CARD19: variants seen among roughly 807,000 people sequenced by gnomAD.
CARD19 encodes caspase recruitment domain family member 19.
CARD19 carries 25 observed loss-of-function variants against 24.1 expected under a neutral mutation model. The observed-to-expected ratio is 1.04, with a 90% CI of 0.76 to 1.45. CARD19 has a LOEUF of 1.45. Ranked by LOEUF, CARD19 falls within the 40% of genes most tolerant of loss-of-function variation. CARD19 has a pLI of 0.00. For missense variants in CARD19, 241 were observed against 247.4 expected, an observed-to-expected ratio of 0.97 and a Z score of 0.17; for synonymous variants, 103 against 104.9, an observed-to-expected ratio of 0.98 and a Z score of 0.11.
At position 93,110,645 on chromosome 9, in the gene CARD19, C is replaced by T; in HGVS notation, c.228C>T (p.Asp76=). 6.2e-7 allele frequency: 1 copy of T among 1,613,832 alleles called. No individual in the cohort carries two copies. The highest frequency in any genetic ancestry group is 8.5e-7 in the Non-Finnish European group (1 of 1,180,022). ...ACCTGCAGCGGAGCGGTGAGCGGGA[C>T]TGCCAGGAGTTCTACCGAGCCCTGT... ...LSHLQRSGER[D]CQEFYRALYI... The change falls in exon 3 of 6, where the codon GAC becomes GAT. Residue 76 remains aspartate (D), a synonymous_variant. Transcript: ENST00000375464.
In CARD19 at chr9:93,096,488, C is replaced by A; in HGVS notation, c.7+136C>A. The A allele has an allele frequency of 1.2e-6, 1 of 846,158 alleles. No individual in the cohort carries two copies. Among genetic ancestry groups the A allele is most frequent in the Non-Finnish European group, 1.6e-6 (1 of 640,666 alleles). 52.4% of individuals were successfully genotyped at this position (846,158 alleles called of 1,614,324 possible). On this transcript the variant is annotated intron_variant, in intron 1 of 5. Coordinates refer to ENST00000375464, the MANE Select transcript of CARD19 (RefSeq NM_032310.5). This position sits in a 1 kb window ranked among gnomAD's most constrained non-coding sequence, Gnocchi z 5.4. ...GGGCCGAGTGACCTTGGCCCGTCAG[C>A]TGTCGGTGGTGCGCGAGTGCACCCC...
intron 2 of CARD19, among the ~76,000 whole-genome samples, 194 bp downstream of exon 2, chr9:93,108,010 C>A (rs12235852): frequency 1.3e-5 from 2 of 152,342 alleles, no homozygotes; most frequent in South Asian, 2.1e-4. Context: ...TTGGGGTGAG[C>A]CCAACCAGGC....
chr9:93,099,228 G>A (rs1047784154), intron 1 of CARD19, among the ~76,000 whole-genome samples: 31 of 152,176 alleles, frequency 2.0e-4, no homozygotes, highest in Non-Finnish European at 2.9e-5. Context: ...CCGGCCTGCA[G>A]AACTCTTTAG....
intron 3 of CARD19, 153 bp downstream of exon 3, chr9:93,110,874 C>T (rs1243667595): frequency 6.5e-7 from 1 of 1,533,196 alleles, no homozygotes; most frequent in Middle Eastern, 1.7e-4. Context: ...TCCCCAGAGG[C>T]CACCCTCTGG....
chr9:93,099,636 C>T (rs879549480), intron 1 of CARD19, among the ~76,000 whole-genome samples: 2 of 152,216 alleles, frequency 1.3e-5, no homozygotes, highest in African/African-American at 2.4e-5. Context: ...AGTTCTTTAA[C>T]GAGAGGGCTG....
In CARD19 at chr9:93,111,939, G is replaced by GT; in HGVS notation, c.364+2dup. The GT allele has an allele frequency of 6.2e-7, 1 of 1,610,744 alleles. No individual in the cohort carries two copies. Among genetic ancestry groups the GT allele is most frequent in the South Asian group, 1.1e-5 (1 of 90,804 alleles). ...CAGAGCGGCGAGCTGAGTAACAGGGGTAACACCTCCCTGCTGCCCCTCCCT... is the reference window on the plus strand; with the variant it reads ...CAGAGCGGCGAGCTGAGTAACAGGGGTTAACACCTCCCTGCTGCCCCTCCCT... On this transcript the variant is annotated splice_donor_variant, in intron 4 of 5. Coordinates refer to ENST00000375464, the MANE Select transcript of CARD19 (RefSeq NM_032310.5). LOFTEE classifies it high-confidence loss of function.
rs1200485542 is a variant in CARD19 at position 93,100,986 on chromosome 9, AT to A, written c.7+4637del. Among the ~76,000 whole-genome samples, 3 of 152,200 alleles carry A rather than the reference AT, an allele frequency of 2.0e-5. No individual in the cohort carries two copies. The East Asian group carries it at 5.8e-4, about 29-fold the overall frequency. On this transcript the variant is annotated intron_variant, in intron 1 of 5. Coordinates refer to ENST00000375464, the MANE Select transcript of CARD19 (RefSeq NM_032310.5). ...ATAATTCATTCGTCTTTTGGTGAAC[AT>A]TTGCACTATTTCCATCTTTTGGCTA...
At chr9:93,098,980 C>T (rs930639508) in intron 1 of CARD19, among the ~76,000 whole-genome samples, 2 of 147,226 alleles carry the variant, frequency 1.4e-5, no homozygotes, top group Non-Finnish European at 3.0e-5. Context: ...TGGCTCACTG[C>T]AACCTCTGCC....
In CARD19 at chr9:93,111,921, G is replaced by T; in HGVS notation, c.347G>T (p.Gly116Val). The T allele has an allele frequency of 6.2e-7, 1 of 1,611,558 alleles. No homozygotes were observed. Among genetic ancestry groups the T allele is most frequent in the Non-Finnish European group, 8.5e-7 (1 of 1,179,674 alleles). ...GAGCTAGACTCGGGCAGCCAGAGCG[G>T]CGAGCTGAGTAACAGGGGTAACACC... Reference protein sequence around the residue: ...CTELDSGSQSGELSNRGPMSF... With the variant: ...CTELDSGSQSVELSNRGPMSF... The change falls in exon 4 of 6, where the codon GGC (glycine) becomes GTC (valine). Residue 116 changes from glycine (G) to valine (V), a missense_variant. Coordinates refer to ENST00000375464, the MANE Select transcript of CARD19 (RefSeq NM_032310.5).
chr9:93,097,087 T>C (rs993285111), intron 1 of CARD19, among the ~76,000 whole-genome samples: 2 of 152,160 alleles, frequency 1.3e-5, no homozygotes, highest in African/African-American at 4.8e-5. Context: ...GACCTTCCCC[T>C]GTTGGAGAAG....
rs192944640 is a variant in CARD19 at position 93,103,269 on chromosome 9, T to C, written c.8-4405T>C. 4.3e-4 allele frequency among the ~76,000 whole-genome samples: 66 copies of C among 152,342 alleles called. 1 individual carries two copies. The Middle Eastern group carries it at 0.01, about 24-fold the overall frequency. ...TGATGTTAGCTGTGGGCTTTTCATA[T>C]AAAAATGTCCTTCAATATATGAGGT... On this transcript the variant is annotated intron_variant, in intron 1 of 5. Coordinates refer to ENST00000375464, the MANE Select transcript of CARD19 (RefSeq NM_032310.5).
intron 3 of CARD19, chr9:93,111,318 A>G: frequency 8.8e-7 from 1 of 1,132,100 alleles, no homozygotes; most frequent in South Asian, 1.9e-5. Flanking sequence ...AGCTGCTGGG[A>G]TGTGGGGGGC....
intron 1 of CARD19, among the ~76,000 whole-genome samples, chr9:93,102,539 A>G (rs977273701): frequency 3.3e-5 from 5 of 151,784 alleles, no homozygotes; most frequent in Admixed American, 6.6e-5. Context: ...CTCTTATTCT[A>G]TGCCAGTGAC....
chr9:93,112,885 A>G (rs1827555232), intron 5 of CARD19, 107 bp from the exon 6 acceptor site: 6 of 684,346 alleles, frequency 8.8e-6, no homozygotes, highest in Non-Finnish European at 1.5e-5. Flanking sequence ...GGGAGGGAGC[A>G]CCCTGTCCCA....
intron 3 of CARD19, 104 bp from the exon 4 acceptor site, chr9:93,111,775 G>C: frequency 1.3e-6 from 2 of 1,529,378 alleles, no homozygotes; most frequent in East Asian, 4.8e-5. Context: ...GGTTCGGCCT[G>C]GCGGCCCCAG....
In CARD19 at chr9:93,104,682, G is replaced by A. The variant is rs546172635; in HGVS notation, c.8-2992G>A. Among the ~76,000 whole-genome samples the A allele has an allele frequency of 1.9e-3, 289 of 152,220 alleles. 1 individual carries two copies. The highest frequency in any genetic ancestry group is 3.2e-3 in the Non-Finnish European group (220 of 68,014). On this transcript the variant is annotated intron_variant, in intron 1 of 5. Transcript: ENST00000375464. ...TCTATTTCTTCACAGTTCCGTTTTG[G>A]TAGATTGTGTTTTTAGGAATGTTTT...
At chr9:93,103,518 C>A (rs1340404959) in intron 1 of CARD19, among the ~76,000 whole-genome samples, 2 of 151,976 alleles carry the variant, frequency 1.3e-5, no homozygotes, top group Admixed American at 6.6e-5. Flanking sequence ...TTGCTTTTCC[C>A]CAAATATTTT....
chr9:93,103,694 G>C (rs964129583), intron 1 of CARD19, among the ~76,000 whole-genome samples: 1 of 152,204 alleles, frequency 6.6e-6, no homozygotes. Flanking sequence ...AAATTTATAG[G>C]CTCATGCTTC....
At position 93,112,262 on chromosome 9, in the gene CARD19, G is replaced by T; in HGVS notation, c.409G>T (p.Ala137Ser). ...TGGCCTGGGCCTTGCTGTGGGACTG[G>T]CCCTGCTCCTGTACTGCTATCCGCC... ...LAGLGLAVGL[A>S]LLLYCYPPDP... The change falls in exon 5 of 6, where the codon GCC becomes TCC. Residue 137 changes from alanine to serine, a missense_variant. Transcript: ENST00000375464. The T allele has an allele frequency of 6.5e-7, 1 of 1,544,760 alleles. No individual in the cohort carries two copies.
Sources: allele counts gnomAD v4.1 joint callset (sites outside exome capture counted in the v4.1 genomes callset), GRCh38; gene constraint gnomAD v4.1.1; non-coding constraint Gnocchi (gnomAD v3.1); transcripts MANE v1.5; gene names NCBI Gene and HGNC (gene_info 2026-07-23, HGNC 2026-07-21).